The following NDRG3 variants were observed in gnomAD, a reference collection of about 807,000 sequenced individuals.
NDRG3 encodes protein NDRG3.
NDRG3 carries 23 observed loss-of-function variants against 57.2 expected under a neutral mutation model. The ratio of observed to expected loss-of-function variants is 0.40; its 90% CI spans 0.29 to 0.57. The LOEUF (loss-of-function observed/expected upper bound fraction) is 0.57, where lower values mean the gene tolerates loss of function less well. Among genes scored for constraint, NDRG3 ranks in the 20% least tolerant of loss-of-function variants. The pLI is 0.42. For missense variants in NDRG3, 384 were observed against 457.3 expected, an observed-to-expected ratio of 0.84 and a Z score of 1.46; for synonymous variants, 132 against 162.6, an observed-to-expected ratio of 0.81 and a Z score of 1.43.
chr20:36,722,322 C>G (rs60977337), intron 1 of NDRG3, among the ~76,000 whole-genome samples: 1 of 152,070 alleles, frequency 6.6e-6, no homozygotes, highest in Non-Finnish European at 1.5e-5. Flanking sequence ...AGAAGCTGAC[C>G]GACACCTTGA....
At chr20:36,671,236 G>T (rs1175124123) in intron 9 of NDRG3, 105 bp downstream of exon 9, 3 of 913,264 alleles carry the variant, frequency 3.3e-6, no homozygotes, top group Non-Finnish European at 5.3e-6. Flanking sequence ...ACTGTTACTT[G>T]CTAGGATCAG....
intron 5 of NDRG3, among the ~76,000 whole-genome samples, chr20:36,685,675 C>G (rs930023017): frequency 4.6e-5 from 7 of 152,146 alleles, no homozygotes; most frequent in Admixed American, 4.6e-4. Flanking sequence ...GATGTTCGAG[C>G]AGGCCCAGGA....
At chr20:36,712,078 G>A (rs754223386) in intron 2 of NDRG3, among the ~76,000 whole-genome samples, 3 of 151,940 alleles carry the variant, frequency 2.0e-5, no homozygotes, top group African/African-American at 4.8e-5. Flanking sequence ...GTGAGCCACC[G>A]CACCTGGTTG....
intron 3 of NDRG3, among the ~76,000 whole-genome samples, chr20:36,693,883 C>T (rs945791492): frequency 6.6e-6 from 1 of 151,830 alleles, no homozygotes; most frequent in Non-Finnish European, 1.5e-5. Context: ...AGAAAGTGCA[C>T]AATAAATGTA....
At chr20:36,683,978 T>TA (rs1446368068) in intron 6 of NDRG3, among the ~76,000 whole-genome samples, 30 of 152,286 alleles carry the variant, frequency 2.0e-4, no homozygotes, top group Middle Eastern at 3.4e-3. Context: ...TGAACGTTTT[T>TA]AAAAAAATTT....
chr20:36,728,383 C>T (rs1299013925), intron 1 of NDRG3, among the ~76,000 whole-genome samples: 3 of 152,132 alleles, frequency 2.0e-5, no homozygotes, highest in African/African-American at 7.2e-5. Flanking sequence ...TTGCTTTTCC[C>T]ATTACAGGTT....
At chr20:36,692,221 C>T (rs866654842) in intron 3 of NDRG3, among the ~76,000 whole-genome samples, 1 of 152,004 alleles carries the variant, frequency 6.6e-6, no homozygotes, top group Non-Finnish European at 1.5e-5. Context: ...CTGTTTTTTA[C>T]GTTTTGTTTT....
At position 36,656,528 on chromosome 20, in the gene NDRG3, G is replaced by A. The variant is rs1452352494; in HGVS notation, c.863C>T (p.Ala288Val). 7 of 1,613,834 alleles carry A rather than the reference G, an allele frequency of 4.3e-6. No homozygotes were observed. The East Asian group carries it at 1.1e-4, about 26-fold the overall frequency. ...NPINTTLLKM[A>V]DCGGLPQVVQ... Reference sequence around the variant, plus strand: ...TACCTGGGGCAGTCCCCCACAGTCCGCCATCTAGAAAAGGAAAAATATGCA... The same window carrying A: ...TACCTGGGGCAGTCCCCCACAGTCCACCATCTAGAAAAGGAAAAATATGCA... Residue 288 changes from alanine (A) to valine (V), a missense_variant, in exon 14 of 16, where the codon GCG becomes GTG. Physicochemically the swap from Ala to Val is moderately conservative, Grantham distance 64. Coordinates refer to ENST00000349004, the MANE Select transcript of NDRG3 (RefSeq NM_032013.4).
At chr20:36,729,975 G>A (rs1471181280) in intron 1 of NDRG3, among the ~76,000 whole-genome samples, 8 of 151,712 alleles carry the variant, frequency 5.3e-5, no homozygotes, top group African/African-American at 9.7e-5. Context: ...GGCCGGGCAC[G>A]GTGGCTCACG....
chr20:36,700,525 T>C, intron 3 of NDRG3: 1 of 528,108 alleles, frequency 1.9e-6, no homozygotes, highest in African/African-American at 1.9e-5. Flanking sequence ...GCAGAGACCC[T>C]GGCTAAGGAG....
At chr20:36,656,260 G>T (rs1178830287) in intron 15 of NDRG3, 100 bp downstream of exon 15, 3 of 1,146,836 alleles carry the variant, frequency 2.6e-6, no homozygotes, top group East Asian at 2.4e-5. Context: ...AAGGCTAGCT[G>T]CCACAGAGGT....
intron 8 of NDRG3, among the ~76,000 whole-genome samples, chr20:36,679,650 C>A (rs1368691269): frequency 1.4e-5 from 2 of 141,722 alleles, no homozygotes; most frequent in Admixed American, 1.4e-4. Flanking sequence ...ATTACAGGCA[C>A]CCACCACCAC....
At chr20:36,688,817 G>T in intron 3 of NDRG3, 33 bp from the exon 4 acceptor site, 1 of 1,557,614 alleles carries the variant, frequency 6.4e-7, no homozygotes, top group Non-Finnish European at 8.9e-7. Flanking sequence ...CTCAGAAAAA[G>T]CAGAATGAAC....
rs896539121 is a variant in NDRG3, at chr20:36,669,185, T to A, written c.588+2156A>T. 5.3e-5 allele frequency among the ~76,000 whole-genome samples: 8 copies of A among 151,574 alleles called. No individual in the cohort carries two copies. In the East Asian group the frequency reaches 1.5e-3, roughly 29 times the overall value. On this transcript the variant is annotated intron_variant, in intron 9 of 15. Coordinates refer to ENST00000349004, the MANE Select transcript of NDRG3 (RefSeq NM_032013.4). ...AATTCTCTTGCCTCAGCCTCCCGAG[T>A]AGCTGGGATTACAGGCACGTGCCAC...
chr20:36,693,332 G>C (rs972819360), intron 3 of NDRG3, among the ~76,000 whole-genome samples: 5 of 150,094 alleles, frequency 3.3e-5, no homozygotes, highest in Non-Finnish European at 7.4e-5. Context: ...ACAACACAAG[G>C]GTTAGTGGTG....
At chr20:36,721,650 T>C in intron 2 of NDRG3, 29 bp downstream of exon 2, 1 of 1,383,690 alleles carries the variant, frequency 7.2e-7, no homozygotes, top group Non-Finnish European at 1.0e-6. Flanking sequence ...GGCTTGTCCA[T>C]ATTTTAGTGA....
chr20:36,711,962 G>A (rs1050117111), intron 2 of NDRG3, among the ~76,000 whole-genome samples: 1 of 152,188 alleles, frequency 6.6e-6, no homozygotes. Flanking sequence ...TGTATTTTTA[G>A]TAGAGACGGG....
Position 36,684,453 on chromosome 20 carries a change from C to T in NDRG3, c.343G>A (p.Glu115Lys), listed in dbSNP as rs774701177. The T allele has an allele frequency of 6.2e-7, 1 of 1,614,116 alleles. No individual in the cohort carries two copies. The highest frequency in any genetic ancestry group is 8.5e-7 in the Non-Finnish European group (1 of 1,179,978). ...ACAGGAGGCAGCATTTCAGCCAGCT[C>T]ATCCATTGTGGGGTACTGATACCTG... ...PTGYQYPTMDELAEMLPPVLT... is the reference protein window; with the variant it reads ...PTGYQYPTMDKLAEMLPPVLT... Residue 115 changes from glutamate (E) to lysine (K), a missense_variant, in exon 6 of 16, where the codon GAG (glutamate) becomes AAG (lysine). Transcript: ENST00000349004.
chr20:36,742,147 CT>C (rs1234144419), intron 1 of NDRG3, among the ~76,000 whole-genome samples: 2 of 152,150 alleles, frequency 1.3e-5, no homozygotes, highest in Non-Finnish European at 2.9e-5. Flanking sequence ...GCTAGTCCCC[CT>C]ACCATATAAT....
Sources: allele counts gnomAD v4.1 joint callset (sites outside exome capture counted in the v4.1 genomes callset), GRCh38; gene constraint gnomAD v4.1.1; transcripts MANE v1.5; gene names NCBI Gene and HGNC (gene_info 2026-07-23, HGNC 2026-07-21).